The following NOCT variants were observed in gnomAD, a reference collection of about 807,000 sequenced individuals.
The protein encoded by NOCT is CCR4 carbon catabolite repression 4-like.
In NOCT, 18 loss-of-function variants were observed where a neutral mutation model predicts 35.0. That is an observed-to-expected ratio of 0.51 (90% confidence interval 0.36 to 0.76). The LOEUF is 0.76. Among genes scored for constraint, NOCT ranks in the 30% least tolerant of loss-of-function variants. NOCT has a pLI of 0.01. For synonymous variants in NOCT, 235 were observed against 226.3 expected, an observed-to-expected ratio of 1.04 and a Z score of -0.34; for missense variants, 479 against 541.0, an observed-to-expected ratio of 0.89 and a Z score of 1.14.
At chr4:139,039,170 CAAA>C (rs59445691) in intron 1 of NOCT, among the ~76,000 whole-genome samples, 4 of 91,334 alleles carry the variant, frequency 4.4e-5, no homozygotes, top group Non-Finnish European at 5.9e-5. Flanking sequence ...GACTCCATTT[CAAA>C]AAAAAAAAAA....
intron 1 of NOCT, among the ~76,000 whole-genome samples, chr4:139,017,376 C>T (rs1279512970): frequency 1.3e-5 from 2 of 150,126 alleles, no homozygotes; most frequent in African/African-American, 2.4e-5. Context: ...TACAGGCATG[C>T]GCCACCGCGC....
At position 139,016,121 on chromosome 4, in the gene NOCT, TGGCGGCGGCCTC is replaced by T; in HGVS notation, c.147_158del (p.Ala50_Ala53del). 1 of 1,304,892 alleles carries T rather than the reference TGGCGGCGGCCTC, an allele frequency of 7.7e-7. No homozygotes were observed. Among genetic ancestry groups the T allele is most frequent in the Non-Finnish European group, 9.7e-7 (1 of 1,027,378 alleles). The allele number at this position is 1,304,892 out of a possible 1,614,324, so 80.8% of individuals were successfully genotyped here. A position where few individuals can be genotyped will look rare whatever the true frequency, so the allele number is the denominator to read the frequency against. On this transcript the variant is annotated inframe_deletion, in exon 1 of 3. Coordinates refer to ENST00000280614, the MANE Select transcript of NOCT (RefSeq NM_012118.4). ...CCCAGGCCCGCATCCCCCCGGCTGC[TGGCGGCGGCCTC>T]GGCGGCCTCGGGCGCCGCGAGGTCG...
At chr4:139,023,053 A>C (rs967014082) in intron 1 of NOCT, among the ~76,000 whole-genome samples, 1 of 151,964 alleles carries the variant, frequency 6.6e-6, no homozygotes, top group African/African-American at 2.4e-5. Context: ...GCTAGCTGAG[A>C]TCGTACCACT....
intron 1 of NOCT, among the ~76,000 whole-genome samples, chr4:139,016,869 G>T (rs1440863836): frequency 5.3e-5 from 8 of 151,418 alleles, no homozygotes; most frequent in African/African-American, 1.9e-4. Context: ...TGGCCAGGCT[G>T]GTCTTGAACT....
In NOCT at chr4:139,015,811, C is replaced by T. The variant is rs574926866; in HGVS notation, c.-171C>T. The T allele has an allele frequency of 5.1e-4, 225 of 444,808 alleles. 1 individual carries two copies. Among genetic ancestry groups the T allele is most frequent in the African/African-American group, 4.0e-3 (192 of 48,462 alleles). The allele number at this position is 444,808 out of a possible 1,614,324, so 27.6% of individuals were successfully genotyped here. The stretch of plus-strand genomic sequence containing the variant: ...GTGCCGACGCAGCGGTGTTGCACCT[C>T]CCTCTCCGGCTCTGCTGCCCGGGAT... On this transcript the variant is annotated 5_prime_UTR_variant, in exon 1 of 3. Coordinates refer to ENST00000280614, the MANE Select transcript of NOCT (RefSeq NM_012118.4).
intron 1 of NOCT, among the ~76,000 whole-genome samples, chr4:139,037,614 A>G (rs1726757868): frequency 6.6e-6 from 1 of 152,174 alleles, no homozygotes; most frequent in Non-Finnish European, 1.5e-5. Context: ...TGCAAACAGT[A>G]GAGCTGTTAT....
chr4:139,038,837 C>T (rs1726782064), intron 1 of NOCT, among the ~76,000 whole-genome samples: 1 of 152,070 alleles, frequency 6.6e-6, no homozygotes, highest in Non-Finnish European at 1.5e-5. Context: ...TGCTAAGTAG[C>T]TCTGTGTTTA....
At chr4:139,044,003 T>TATATATATAC (rs1405359118) in intron 2 of NOCT, 87 of 147,074 alleles carry the variant, frequency 5.9e-4, no homozygotes, top group Middle Eastern at 3.5e-3. Context: ...TATATATATA[T>TATATATATAC]ACACTTTGTT....
intron 1 of NOCT, among the ~76,000 whole-genome samples, chr4:139,018,166 T>TTCTTGCTGGAA (rs1726346874): frequency 6.6e-6 from 1 of 151,904 alleles, no homozygotes; most frequent in South Asian, 2.1e-4. Flanking sequence ...CTGATAACTT[T>TTCTTGCTGGAA]TTTCTTGCTG....
chr4:139,021,851 CG>C lies in NOCT; in HGVS notation c.190+5683del, dbSNP rs532442259. On this transcript the variant is annotated intron_variant, in intron 1 of 2. Transcript: ENST00000280614. ...TTGGCTCACTGCAACCTGTGCCTCC[CG>C]GGTTCAAGCAATTCTCCTGCCTCAG... Among the ~76,000 whole-genome samples the C allele has an allele frequency of 5.3e-3, 803 of 152,010 alleles. 10 individuals carry two copies. Among genetic ancestry groups the C allele is most frequent in the African/African-American group, 0.017 (708 of 41,456 alleles).
At chr4:139,043,573 C>A in intron 2 of NOCT, 1 of 482,402 alleles carries the variant, frequency 2.1e-6, no homozygotes, top group Non-Finnish European at 3.7e-6. Context: ...CTTGGATAGT[C>A]TACAAACATG....
intron 1 of NOCT, among the ~76,000 whole-genome samples, chr4:139,021,478 C>T (rs1215446224): frequency 2.0e-5 from 3 of 151,366 alleles, no homozygotes; most frequent in South Asian, 2.1e-4. Context: ...ATGAGCTGGG[C>T]GTGGTGGCAC....
chr4:139,022,896 C>T lies in NOCT; in HGVS notation c.190+6725C>T, dbSNP rs138678141. Among the ~76,000 whole-genome samples the T allele has an allele frequency of 2.6e-3, 397 of 152,032 alleles. 1 individual carries two copies. Among genetic ancestry groups the T allele is most frequent in the African/African-American group, 9.0e-3 (374 of 41,446 alleles). ...GGGGAATCACTTGAGGTTAGGAGTT[C>T]GAGACCAGCCTGGGCAGCATGGCAA... On this transcript the variant is annotated intron_variant, in intron 1 of 2. Transcript: ENST00000280614.
chr4:139,029,650 T>C (rs1196786135), intron 1 of NOCT, among the ~76,000 whole-genome samples: 1 of 152,226 alleles, frequency 6.6e-6, no homozygotes, highest in Non-Finnish European at 1.5e-5. Flanking sequence ...AGATGGGGTC[T>C]CACTACATTG....
At position 139,044,988 on chromosome 4, in the gene NOCT, C is replaced by T. The variant is rs1337465889; in HGVS notation, c.810C>T (p.Thr270=). The T allele has an allele frequency of 1.9e-6, 3 of 1,614,128 alleles. No homozygotes were observed. The highest frequency in any genetic ancestry group is 3.3e-5 in the Admixed American group (2 of 60,018). Residue 270 remains threonine, a synonymous_variant, in exon 3 of 3, where the codon ACC becomes ACT. Transcript: ENST00000280614. ...LKTNQVAIAQ[T]LECKESGRQF... ...CCAACCAGGTGGCCATTGCACAGAC[C>T]CTGGAGTGCAAGGAGTCAGGCCGAC... is the stretch of plus-strand genomic sequence containing the variant.
Position 139,016,049 on chromosome 4 carries a change from T to TGCCCGCCCCAGGGCTGCGCCGCCC in NOCT, c.70_93dup (p.Pro24_Pro31dup), listed in dbSNP as rs1726289995. 2 of 1,390,026 alleles carry TGCCCGCCCCAGGGCTGCGCCGCCC rather than the reference T, an allele frequency of 1.4e-6. No homozygotes were observed. The highest frequency in any genetic ancestry group is 1.9e-6 in the Non-Finnish European group (2 of 1,071,034). 86.1% of individuals were successfully genotyped at this position (1,390,026 alleles called of 1,614,324 possible). ...AGGGACGCGCCCGGCCTGCGCCGCC[T>TGCCCGCCCCAGGGCTGCGCCGCCC]GCCCGCCCCAGGGCTGCGCCGCCCG... On this transcript the variant is annotated inframe_insertion, in exon 1 of 3. Coordinates refer to ENST00000280614, the MANE Select transcript of NOCT (RefSeq NM_012118.4).
Position 139,044,942 on chromosome 4 carries a change from T to C in NOCT, c.764T>C (p.Leu255Pro). Residue 255 changes from leucine (L) to proline (P), a missense_variant, in exon 3 of 3, where the codon CTG becomes CCG. Physicochemically the swap from Leu to Pro is moderately conservative, Grantham distance 98. Coordinates refer to ENST00000280614, the MANE Select transcript of NOCT (RefSeq NM_012118.4). Reference sequence around the variant, plus strand: ...CTAGTCAACAGTGCCAATATTAGGCTGACAGCCATGACATTGAAAACCAAC... The same window carrying C: ...CTAGTCAACAGTGCCAATATTAGGCCGACAGCCATGACATTGAAAACCAAC... Reference protein sequence around the residue: ...FKLVNSANIRLTAMTLKTNQV... With the variant: ...FKLVNSANIRPTAMTLKTNQV... 3 of 1,614,230 alleles carry C rather than the reference T, an allele frequency of 1.9e-6. No individual in the cohort carries two copies. Among genetic ancestry groups the C allele is most frequent in the Non-Finnish European group, 2.5e-6 (3 of 1,180,046 alleles).
At chr4:139,033,606 A>G (rs1726665595) in intron 1 of NOCT, among the ~76,000 whole-genome samples, 1 of 151,450 alleles carries the variant, frequency 6.6e-6, no homozygotes, top group South Asian at 2.1e-4. Flanking sequence ...CAGAAGTTAG[A>G]GGATGCAGTG....
At chr4:139,042,704 T>C (rs1364095558) in intron 1 of NOCT, among the ~76,000 whole-genome samples, 1 of 152,010 alleles carries the variant, frequency 6.6e-6, no homozygotes, top group Non-Finnish European at 1.5e-5. Flanking sequence ...TCACCTGAGG[T>C]CGGGAGTTCC....
Sources: gnomAD v4.1 joint callset for allele counts (sites outside exome capture counted in the v4.1 genomes callset) on GRCh38, gnomAD v4.1.1 for gene constraint, MANE v1.5 for transcripts, NCBI Gene and HGNC (gene_info 2026-07-23, HGNC 2026-07-21) for gene names.